Variants in ARHGAP24 observed in about 807,000 individuals in gnomAD.
ARHGAP24 encodes Rho GTPase activating protein 24.
Under a neutral mutation model 76.4 loss-of-function variants are expected in ARHGAP24, and 50 were observed. That is an observed-to-expected ratio of 0.65 (90% CI 0.52 to 0.83). The LOEUF (loss-of-function observed/expected upper bound fraction) is 0.83. Ranked by LOEUF, ARHGAP24 falls within the 40% of genes least tolerant of loss-of-function variation. The pLI is 0.00. For missense variants in ARHGAP24, 930 were observed against 914.2 expected (o/e 1.02, Z -0.22); for synonymous variants, 345 against 323.3 (o/e 1.07, Z -0.72).
chr4:85,579,571 C>T (rs1370477093), intron 2 of ARHGAP24, among the ~76,000 whole-genome samples: 9 of 146,666 alleles, frequency 6.1e-5, no homozygotes, highest in East Asian at 2.1e-4. Flanking sequence ...AGCTGCTTCT[C>T]GTTTTTTAGA....
At chr4:85,918,985 A>C (rs1173234790) in intron 3 of ARHGAP24, among the ~76,000 whole-genome samples, 1 of 152,174 alleles carries the variant, frequency 6.6e-6, no homozygotes, top group Non-Finnish European at 1.5e-5. Context: ...ACTGCATAAG[A>C]TATTTATGTC....
intron 3 of ARHGAP24, among the ~76,000 whole-genome samples, chr4:85,730,842 C>T (rs1725372315): frequency 6.6e-6 from 1 of 152,028 alleles, no homozygotes; most frequent in Non-Finnish European, 1.5e-5. Context: ...TAACATCTCC[C>T]TGCCCCAAAC....
intron 3 of ARHGAP24, among the ~76,000 whole-genome samples, chr4:85,742,489 G>GA (rs11378825): frequency 0.075 from 11,429 of 152,178 alleles, 497 homozygotes; most frequent in Middle Eastern, 0.1. Context: ...AAGTGTTTGA[G>GA]AAAAAAAGGT....
At position 85,677,777 on chromosome 4, in the gene ARHGAP24, G is replaced by T. The variant is rs77574911; in HGVS notation, c.181-44108G>T. 4.3e-3 allele frequency among the ~76,000 whole-genome samples: 648 copies of T among 152,292 alleles called. 6 individuals carry two copies. The highest frequency in any genetic ancestry group is 0.015 in the African/African-American group (625 of 41,562). On this transcript the variant is annotated intron_variant, in intron 2 of 9. Transcript: ENST00000395184. ...GTATTATGTATTAACTTTCCATTTTGTAGGCTCTTGTTTCTCACTAATTTT... is the reference window on the plus strand; with the variant it reads ...GTATTATGTATTAACTTTCCATTTTTTAGGCTCTTGTTTCTCACTAATTTT...
intron 2 of ARHGAP24, among the ~76,000 whole-genome samples, chr4:85,591,030 G>GTTTTTTTTTTTTTTTTTT (rs1560544158): frequency 8.2e-6 from 1 of 121,854 alleles, no homozygotes; most frequent in African/African-American, 3.2e-5. Context: ...AAATCTGCTG[G>GTTTTTTTTTTTTTTTTTT]GTTTTTTTTT....
At chr4:85,626,334 T>A (rs1217230296) in intron 2 of ARHGAP24, among the ~76,000 whole-genome samples, 3 of 152,208 alleles carry the variant, frequency 2.0e-5, no homozygotes, top group African/African-American at 4.8e-5. Flanking sequence ...TTATGAAGCT[T>A]AGTTTGGCTG....
intron 3 of ARHGAP24, among the ~76,000 whole-genome samples, chr4:85,741,077 C>A (rs1049650206): frequency 6.6e-6 from 1 of 152,204 alleles, no homozygotes; most frequent in South Asian, 2.1e-4. Context: ...AGGTCACCAG[C>A]CAGTGAAATA....
chr4:85,586,928 A>G (rs1245995503), intron 2 of ARHGAP24, among the ~76,000 whole-genome samples: 1 of 152,150 alleles, frequency 6.6e-6, no homozygotes, highest in Non-Finnish European at 1.5e-5. Context: ...ATAAAAATAA[A>G]GTTGAAAATT....
At chr4:85,653,742 C>T (rs1295820936) in intron 2 of ARHGAP24, among the ~76,000 whole-genome samples, 1 of 152,122 alleles carries the variant, frequency 6.6e-6, no homozygotes, top group Non-Finnish European at 1.5e-5. Context: ...ACCTCAGCCT[C>T]CCAAAGTGCT....
At chr4:85,810,344 A>G (rs145068946) in intron 3 of ARHGAP24, among the ~76,000 whole-genome samples, 1 of 152,342 alleles carries the variant, frequency 6.6e-6, no homozygotes, top group African/African-American at 2.4e-5. Flanking sequence ...CCATGTCCTA[A>G]TAGGATGCTA....
chr4:85,662,027 A>G (rs920306994), intron 2 of ARHGAP24, among the ~76,000 whole-genome samples: 2 of 152,238 alleles, frequency 1.3e-5, no homozygotes, highest in African/African-American at 2.4e-5. Flanking sequence ...CTTTGGGTAT[A>G]TACCCAGTAA....
rs554527941 is a variant in ARHGAP24 at position 85,961,139 on chromosome 4, C to T, written c.600-10897C>T. 5.9e-5 allele frequency among the ~76,000 whole-genome samples: 9 copies of T among 152,026 alleles called. No homozygotes were observed. In the East Asian group the frequency reaches 7.7e-4, roughly 13 times the overall value. On this transcript the variant is annotated intron_variant, in intron 5 of 9. Coordinates refer to ENST00000395184, the MANE Select transcript of ARHGAP24 (RefSeq NM_001025616.3). ...AAAGGATCCCTTCTAGCAAAGCACA[C>T]GACTGCATTTTAATGTGAGAGCCAT...
At chr4:85,515,921 G>A (rs555385448) in intron 1 of ARHGAP24, among the ~76,000 whole-genome samples, 26 of 152,208 alleles carry the variant, frequency 1.7e-4, no homozygotes, top group African/African-American at 6.0e-4. Context: ...TTTCTGCTTA[G>A]CCCTGCCAAT....
At chr4:85,783,599 G>GC (rs1024093528) in intron 3 of ARHGAP24, among the ~76,000 whole-genome samples, 2 of 152,018 alleles carry the variant, frequency 1.3e-5, no homozygotes, top group Non-Finnish European at 2.9e-5. Flanking sequence ...ACATAAGGGG[G>GC]CAGGAAGTGA....
chr4:85,880,272 A>G (rs1373134968), intron 3 of ARHGAP24, among the ~76,000 whole-genome samples: 3 of 152,174 alleles, frequency 2.0e-5, no homozygotes, highest in Non-Finnish European at 4.4e-5. Context: ...CAATGCCTAC[A>G]TGTTAAGATG....
intron 3 of ARHGAP24, among the ~76,000 whole-genome samples, chr4:85,919,673 G>A (rs1031446531): frequency 6.6e-6 from 1 of 152,130 alleles, no homozygotes; most frequent in African/African-American, 2.4e-5. Context: ...AAAGTCAGGG[G>A]ATAATGGCCA....
intron 8 of ARHGAP24, among the ~76,000 whole-genome samples, chr4:85,983,042 T>C (rs1739770605): frequency 6.6e-6 from 1 of 152,204 alleles, no homozygotes; most frequent in Admixed American, 6.5e-5. Context: ...GTTCCTGCAT[T>C]AGTTTGCTGA....
Position 85,942,168 on chromosome 4 carries a change from A to C in ARHGAP24, c.494A>C (p.Gln165Pro), listed in dbSNP as rs1396995920. ...LVEQCVDFIR[Q>P]RGLKEEGLFR... ...GAGCAGTGCGTGGACTTTATCCGAC[A>C]AAGGGGGCTGAAAGAAGAGGGTCTC... is the stretch of plus-strand genomic sequence containing the variant. The change falls in exon 5 of 10, where the codon CAA becomes CCA. Residue 165 changes from glutamine (Q) to proline (P), a missense_variant. By Grantham distance (76) the Gln-to-Pro change is moderately conservative. Transcript: ENST00000395184. 3 of 1,614,084 alleles carry C rather than the reference A, an allele frequency of 1.9e-6. No individual in the cohort carries two copies. Among genetic ancestry groups the C allele is most frequent in the Non-Finnish European group, 2.5e-6 (3 of 1,180,016 alleles).
intron 2 of ARHGAP24, among the ~76,000 whole-genome samples, chr4:85,663,878 C>T (rs898754883): frequency 4.6e-5 from 7 of 151,286 alleles, no homozygotes; most frequent in Admixed American, 6.6e-5. Context: ...CCCACTTGAT[C>T]ATGGTGGATA....
Sources: gnomAD v4.1 joint callset for allele counts (sites outside exome capture counted in the v4.1 genomes callset) on GRCh38, gnomAD v4.1.1 for gene constraint, MANE v1.5 for transcripts, NCBI Gene and HGNC (gene_info 2026-07-23, HGNC 2026-07-21) for gene names.